The following AGBL3 variants were observed in gnomAD, a reference collection of about 807,000 sequenced individuals.
The protein encoded by AGBL3 is AGBL carboxypeptidase 3.
AGBL3 carries 68 observed loss-of-function variants against 94.5 expected under a neutral mutation model. The observed-to-expected ratio is 0.72, with a 90% CI of 0.59 to 0.88. AGBL3 has a LOEUF of 0.88. Ranked by LOEUF, AGBL3 falls within the 40% of genes least tolerant of loss-of-function variation. AGBL3 has a pLI of 0.00. For synonymous variants in AGBL3, 354 were observed against 370.7 expected (o/e 0.95, Z 0.52); for missense variants, 934 against 1,103.8 (o/e 0.85, Z 2.18).
At chr7:135,041,521 ATAAG>A (rs981558051) in intron 8 of AGBL3, among the ~76,000 whole-genome samples, 2 of 152,200 alleles carry the variant, frequency 1.3e-5, no homozygotes, top group African/African-American at 2.4e-5. Context: ...ATTTAAATAA[ATAAG>A]TGTCGGAACA....
At chr7:135,021,666 T>C (rs1336680622) in intron 5 of AGBL3, among the ~76,000 whole-genome samples, 1 of 151,670 alleles carries the variant, frequency 6.6e-6, no homozygotes, top group African/African-American at 2.4e-5. Context: ...GGATTTGCTT[T>C]TTTTTTTTTA....
intron 10 of AGBL3, 29 bp from the exon 11 acceptor site, chr7:135,045,770 T>TA: frequency 6.9e-7 from 1 of 1,458,506 alleles, no homozygotes; most frequent in Admixed American, 2.1e-5. Flanking sequence ...AGTTATTTCA[T>TA]AATGAGCTCA....
At chr7:135,038,423 T>A (rs1049189725) in intron 8 of AGBL3, among the ~76,000 whole-genome samples, 6 of 152,248 alleles carry the variant, frequency 3.9e-5, no homozygotes, top group Non-Finnish European at 8.8e-5. Flanking sequence ...CTGTCAATAC[T>A]CTTAGGTATA....
At chr7:135,053,906 C>G (rs527968787) in intron 11 of AGBL3, among the ~76,000 whole-genome samples, 1 of 152,190 alleles carries the variant, frequency 6.6e-6, no homozygotes, top group South Asian at 2.1e-4. Context: ...TATTATAAAG[C>G]AATTTAAAAC....
At chr7:135,006,447 A>C (rs1270600584) in intron 4 of AGBL3, among the ~76,000 whole-genome samples, 1 of 151,944 alleles carries the variant, frequency 6.6e-6, no homozygotes, top group African/African-American at 2.4e-5. Context: ...AAAAACTAGC[A>C]GTGGAAATTT....
chr7:135,061,864 G>A (rs1222082515), intron 12 of AGBL3, among the ~76,000 whole-genome samples: 1 of 152,008 alleles, frequency 6.6e-6, no homozygotes, highest in East Asian at 1.9e-4. Context: ...GGCTAGTTCG[G>A]CTCCTTTGTG....
At chr7:134,993,049 T>A (rs1810501928) in intron 3 of AGBL3, among the ~76,000 whole-genome samples, 1 of 152,224 alleles carries the variant, frequency 6.6e-6, no homozygotes, top group African/African-American at 2.4e-5. Context: ...TGGCATTGTA[T>A]CACACAGTAG....
chr7:135,116,680 G>C (rs1276427535), intron 16 of AGBL3, among the ~76,000 whole-genome samples: 1 of 152,174 alleles, frequency 6.6e-6, no homozygotes, highest in East Asian at 1.9e-4. Context: ...CTCCACCCTA[G>C]CAGAGGTTTG....
intron 5 of AGBL3, among the ~76,000 whole-genome samples, chr7:135,021,945 G>T (rs1814535281): frequency 6.6e-6 from 1 of 152,146 alleles, no homozygotes; most frequent in African/African-American, 2.4e-5. Context: ...GTATTAGTCT[G>T]CTGAGGATGA....
chr7:135,029,022 A>G (rs2116388089), intron 5 of AGBL3, among the ~76,000 whole-genome samples: 1 of 152,332 alleles, frequency 6.6e-6, no homozygotes, highest in Middle Eastern at 3.4e-3. Context: ...TGGGCTTAAA[A>G]TATTTAGTAA....
At chr7:135,073,297 C>T (rs1459158726) in intron 12 of AGBL3, among the ~76,000 whole-genome samples, 2 of 151,772 alleles carry the variant, frequency 1.3e-5, no homozygotes, top group East Asian at 1.9e-4. Flanking sequence ...GAAACCCCGT[C>T]TCTACTAAAA....
intron 11 of AGBL3, among the ~76,000 whole-genome samples, chr7:135,054,830 T>C (rs1244550170): frequency 6.6e-6 from 1 of 152,250 alleles, no homozygotes; most frequent in Non-Finnish European, 1.5e-5. Flanking sequence ...TATTTGCTTC[T>C]CTTATTGTCT....
chr7:135,113,435 G>A (rs1428896487), intron 15 of AGBL3, among the ~76,000 whole-genome samples: 1 of 151,506 alleles, frequency 6.6e-6, no homozygotes, highest in Non-Finnish European at 1.5e-5. Flanking sequence ...ATATTATTTT[G>A]CCTATAAACA....
chr7:135,046,276 C>A (rs1053027904), intron 11 of AGBL3, among the ~76,000 whole-genome samples: 1 of 152,058 alleles, frequency 6.6e-6, no homozygotes. Context: ...CTATATATCC[C>A]CTACCAGAGT....
intron 6 of AGBL3, 149 bp downstream of exon 6, chr7:135,033,131 G>A (rs1815947862): frequency 2.2e-6 from 2 of 894,836 alleles, no homozygotes; most frequent in Non-Finnish European, 1.6e-6. Flanking sequence ...GTGGAGGAGG[G>A]GAGTATAAAA....
In AGBL3 at chr7:135,013,143, T is replaced by C. The variant is rs1225114010; in HGVS notation, c.311-3909T>C. 5.6e-4 allele frequency among the ~76,000 whole-genome samples: 85 copies of C among 152,116 alleles called. 1 individual carries two copies. The highest frequency in any genetic ancestry group is 1.5e-5 in the Non-Finnish European group (1 of 67,994). ...CGAACAGACATTTCTCAAAGAATTA[T>C]AATAATCAATAATCATATGAAAACA... is the stretch of plus-strand genomic sequence containing the variant. On this transcript the variant is annotated intron_variant, in intron 4 of 16. Transcript: ENST00000436302.
At chr7:135,074,501 AAAC>A (rs1229595075) in intron 12 of AGBL3, among the ~76,000 whole-genome samples, 6 of 152,218 alleles carry the variant, frequency 3.9e-5, no homozygotes, top group Non-Finnish European at 8.8e-5. Context: ...AAAAAATTTT[AAAC>A]AATCACATAG....
chr7:134,989,623 C>G (rs968885214), intron 3 of AGBL3, among the ~76,000 whole-genome samples: 13 of 152,264 alleles, frequency 8.5e-5, no homozygotes, highest in African/African-American at 2.6e-4. Context: ...AGAAGTACAT[C>G]TTCATTTAAA....
intron 15 of AGBL3, among the ~76,000 whole-genome samples, chr7:135,096,325 AAAAAG>A (rs1684141136): frequency 6.6e-6 from 1 of 151,826 alleles, no homozygotes; most frequent in Non-Finnish European, 1.5e-5. Flanking sequence ...AATGTCACCA[AAAAAG>A]AAAAAGAGGA....
Sources: allele counts gnomAD v4.1 joint callset (sites outside exome capture counted in the v4.1 genomes callset), GRCh38; gene constraint gnomAD v4.1.1; transcripts MANE v1.5; gene names NCBI Gene and HGNC (gene_info 2026-07-23, HGNC 2026-07-21).